The following ARHGAP31 variants were observed in gnomAD, a reference collection of about 807,000 sequenced individuals.
ARHGAP31 encodes the protein Rho GTPase activating protein 31.
Under a neutral mutation model 113.9 loss-of-function variants are expected in ARHGAP31, and 34 were observed. The ratio of observed to expected loss-of-function variants is 0.30; its 90% CI spans 0.23 to 0.40. The LOEUF (loss-of-function observed/expected upper bound fraction) is 0.40. Ranked by LOEUF, ARHGAP31 falls within the 10% of genes least tolerant of loss-of-function variation. The pLI, the probability that ARHGAP31 is intolerant of heterozygous loss-of-function variation, is 1.00. For missense variants in ARHGAP31, 1,548 were observed against 1,767.1 expected (o/e 0.88, Z 2.22); for synonymous variants, 650 against 684.8 (o/e 0.95, Z 0.79).
chr3:119,308,214 G>A (rs1463536794), intron 1 of ARHGAP31, among the ~76,000 whole-genome samples: 1 of 152,190 alleles, frequency 6.6e-6, no homozygotes, highest in African/African-American at 2.4e-5. Context: ...TTGCAGACAT[G>A]ACCATGCTGG....
chr3:119,373,047 T>C (rs915733538), intron 3 of ARHGAP31, among the ~76,000 whole-genome samples: 1 of 152,218 alleles, frequency 6.6e-6, no homozygotes, highest in African/African-American at 2.4e-5. Flanking sequence ...TTTAGCAGAT[T>C]TCAGGGTGGA....
intron 3 of ARHGAP31, among the ~76,000 whole-genome samples, chr3:119,380,169 T>C (rs1410773916): frequency 2.6e-5 from 4 of 152,170 alleles, no homozygotes; most frequent in Non-Finnish European, 5.9e-5. Context: ...GCCACCAGGT[T>C]TCAGGGACAA....
At position 119,391,121 on chromosome 3, in the gene ARHGAP31, A is replaced by C. The variant is rs1199379442; in HGVS notation, c.881+138A>C. The C allele has an allele frequency of 1.4e-5, 13 of 943,632 alleles. No homozygotes were observed. The Admixed American group carries it at 2.6e-4, about 19-fold the overall frequency. The allele number at this position is 943,632 out of a possible 1,614,324, so 58.5% of individuals were successfully genotyped here. A position where few individuals can be genotyped will look rare whatever the true frequency, so the allele number is the denominator to read the frequency against. Reference sequence around the variant, plus strand: ...GGGTTGGGGTTTAAGGAAACATTCCAGAAGAGAAGGGAGCTGTCTCTACAA... The same window carrying C: ...GGGTTGGGGTTTAAGGAAACATTCCCGAAGAGAAGGGAGCTGTCTCTACAA... On this transcript the variant is annotated intron_variant, in intron 7 of 11. Transcript: ENST00000264245.
intron 11 of ARHGAP31, among the ~76,000 whole-genome samples, chr3:119,412,215 C>A (rs1484808509): frequency 6.6e-6 from 1 of 151,984 alleles, no homozygotes; most frequent in Non-Finnish European, 1.5e-5. Flanking sequence ...ATGGTGAAAC[C>A]CCATCTCTAC....
At chr3:119,336,784 A>C (rs1559971442) in intron 1 of ARHGAP31, among the ~76,000 whole-genome samples, 2 of 152,200 alleles carry the variant, frequency 1.3e-5, no homozygotes, top group Admixed American at 6.5e-5. Flanking sequence ...AAGAAACCTT[A>C]TACCCATTAA....
At chr3:119,336,016 T>C (rs576935475) in intron 1 of ARHGAP31, among the ~76,000 whole-genome samples, 2 of 151,824 alleles carry the variant, frequency 1.3e-5, no homozygotes, top group Admixed American at 6.5e-5. Flanking sequence ...CTACTAAAAA[T>C]ACAAAAAAAA....
At chr3:119,295,407 G>T (rs887650498) in intron 1 of ARHGAP31, among the ~76,000 whole-genome samples, 2 of 147,560 alleles carry the variant, frequency 1.4e-5, no homozygotes, top group Non-Finnish European at 3.0e-5. Context: ...AATCATGACC[G>T]CCTTAGCTGT....
rs1159051186 is a variant in ARHGAP31, at chr3:119,416,586, A to G, written c.*322A>G. ...GATTGCTCCCCTATTGCTATTATCT[A>G]TTACTCTTGAGAGCTGGCTGTCCTT... On this transcript the variant is annotated 3_prime_UTR_variant, in exon 12 of 12. Transcript: ENST00000264245. 6.0e-5 allele frequency: 23 copies of G among 384,992 alleles called. No homozygotes were observed. The highest frequency in any genetic ancestry group is 1.5e-4 in the Admixed American group (4 of 26,088). The allele number at this position is 384,992 out of a possible 1,614,324, so 23.8% of individuals were successfully genotyped here. A position where few individuals can be genotyped will look rare whatever the true frequency, so the allele number is the denominator to read the frequency against.
In ARHGAP31 at chr3:119,394,420, T is replaced by C. The variant is rs192488871; in HGVS notation, c.1006+829T>C. Among the ~76,000 whole-genome samples the C allele has an allele frequency of 4.6e-3, 701 of 152,288 alleles. 2 individuals are homozygous for C. The highest frequency in any genetic ancestry group is 4.8e-3 in the Non-Finnish European group (329 of 68,016). On this transcript the variant is annotated intron_variant, in intron 8 of 11. Transcript: ENST00000264245. ...ATGGGACTTATTTCTGAGTAGTGCATAGAAATTGATACAGGAAGGAACTGA... is the reference window on the plus strand; with the variant it reads ...ATGGGACTTATTTCTGAGTAGTGCACAGAAATTGATACAGGAAGGAACTGA...
intron 10 of ARHGAP31, among the ~76,000 whole-genome samples, chr3:119,406,488 A>C (rs1264665425): frequency 6.6e-6 from 1 of 152,252 alleles, no homozygotes; most frequent in African/African-American, 2.4e-5. Flanking sequence ...GACTGGAAAC[A>C]ACCCAAATGC....
At chr3:119,365,452 C>T in intron 2 of ARHGAP31, 34 bp downstream of exon 2, 2 of 1,559,482 alleles carry the variant, frequency 1.3e-6, no homozygotes, top group South Asian at 1.1e-5. Flanking sequence ...AAGAATTCTC[C>T]CATGATTCCT....
At chr3:119,310,890 C>T (rs910485039) in intron 1 of ARHGAP31, among the ~76,000 whole-genome samples, 1 of 152,028 alleles carries the variant, frequency 6.6e-6, no homozygotes, top group Non-Finnish European at 1.5e-5. Context: ...TTTTCCCAAC[C>T]CTAAATTGGA....
intron 1 of ARHGAP31, among the ~76,000 whole-genome samples, chr3:119,320,493 C>A (rs980737862): frequency 6.6e-6 from 1 of 152,188 alleles, no homozygotes; most frequent in African/African-American, 2.4e-5. Flanking sequence ...ACCTATTCTT[C>A]AGGATTAAAA....
chr3:119,382,451 C>G (rs1344192603), intron 5 of ARHGAP31, 52 bp downstream of exon 5: 1 of 1,526,528 alleles, frequency 6.6e-7, no homozygotes, highest in South Asian at 1.1e-5. Flanking sequence ...CAGAGCAGCC[C>G]CCGATTGAAA....
rs1403344458 is a variant in ARHGAP31 at position 119,414,692 on chromosome 3, C to T, written c.2763C>T (p.Pro921=). 4 of 1,614,122 alleles carry T rather than the reference C, an allele frequency of 2.5e-6. No homozygotes were observed. Among genetic ancestry groups the T allele is most frequent in the Non-Finnish European group, 3.4e-6 (4 of 1,180,054 alleles). Residue 921 remains proline (P), a synonymous_variant, in exon 12 of 12, where the codon CCC becomes CCT. Coordinates refer to ENST00000264245, the MANE Select transcript of ARHGAP31 (RefSeq NM_020754.4). ...PQWVTSPLHS[P]TLKDAHKAQV... ...GGGTGACGAGTCCCCTTCACTCTCCCACCCTGAAAGACGCGCACAAGGCCC... is the reference window on the plus strand; with the variant it reads ...GGGTGACGAGTCCCCTTCACTCTCCTACCCTGAAAGACGCGCACAAGGCCC...
Position 119,419,818 on chromosome 3 carries a change from G to A in ARHGAP31, c.*3554G>A, listed in dbSNP as rs2080807536. 1 of 152,180 alleles carries A rather than the reference G, an allele frequency of 6.6e-6. No homozygotes were observed. Among genetic ancestry groups the A allele is most frequent in the Non-Finnish European group, 1.5e-5 (1 of 68,040 alleles). The allele number at this position is 152,180 out of a possible 1,614,324, so 9.4% of individuals were successfully genotyped here. ...TGCTTGATTTAGAAAACTGGAAAGTGGCAACTAGGCTAGAATAGTGGCAAC... is the reference window on the plus strand; with the variant it reads ...TGCTTGATTTAGAAAACTGGAAAGTAGCAACTAGGCTAGAATAGTGGCAAC... On this transcript the variant is annotated 3_prime_UTR_variant, in exon 12 of 12. Coordinates refer to ENST00000264245, the MANE Select transcript of ARHGAP31 (RefSeq NM_020754.4).
chr3:119,381,580 C>G (rs891648133), intron 4 of ARHGAP31, among the ~76,000 whole-genome samples: 14 of 152,120 alleles, frequency 9.2e-5, no homozygotes, highest in African/African-American at 3.4e-4. Context: ...TAACAAGTAC[C>G]AAGATCCCTG....
At chr3:119,375,114 C>T (rs1235639590) in intron 3 of ARHGAP31, among the ~76,000 whole-genome samples, 1 of 152,064 alleles carries the variant, frequency 6.6e-6, no homozygotes, top group Non-Finnish European at 1.5e-5. Context: ...AGATTTCCTA[C>T]TTTAATTGTG....
In ARHGAP31 at chr3:119,316,996, G is replaced by GC. The variant is rs549628178; in HGVS notation, c.100+21992_100+21993insC. On this transcript the variant is annotated intron_variant, in intron 1 of 11. Coordinates refer to ENST00000264245, the MANE Select transcript of ARHGAP31 (RefSeq NM_020754.4). ...ACTAATACCTGCTTTCTGCAATCAG[G>GC]TTTACTCCAGAAGCTTTCCTCTGGG... Among the ~76,000 whole-genome samples the GC allele has an allele frequency of 1.2e-3, 189 of 152,206 alleles. 1 individual carries two copies. The highest frequency in any genetic ancestry group is 4.2e-3 in the African/African-American group (175 of 41,510).
Sources: gnomAD v4.1 joint callset for allele counts (sites outside exome capture counted in the v4.1 genomes callset) on GRCh38, gnomAD v4.1.1 for gene constraint, MANE v1.5 for transcripts, NCBI Gene and HGNC (gene_info 2026-07-23, HGNC 2026-07-21) for gene names.